BAIAP2: variants seen among roughly 807,000 people sequenced by gnomAD.
The protein encoded by BAIAP2 is BAR/IMD domain-containing adapter protein 2.
BAIAP2 carries 18 observed loss-of-function variants against 63.0 expected under a neutral mutation model. That is an observed-to-expected ratio of 0.29 (90% confidence interval 0.20 to 0.42). The LOEUF is 0.42. BAIAP2 is among the 10% of genes least tolerant of loss of function. The probability of loss-of-function intolerance (pLI) is 1.00; values close to 1 mark genes in which losing one functional copy is unlikely to be tolerated. For missense variants in BAIAP2, 610 were observed against 734.3 expected, an observed-to-expected ratio of 0.83 and a Z score of 1.96; for synonymous variants, 386 against 307.6, an observed-to-expected ratio of 1.25 and a Z score of -2.67.
intron 7 of BAIAP2, among the ~76,000 whole-genome samples, chr17:81,100,787 C>T (rs2058377683): frequency 6.6e-6 from 1 of 152,100 alleles, no homozygotes; most frequent in Non-Finnish European, 1.5e-5. Flanking sequence ...CTCCCCAGTC[C>T]CTCCCTCACT....
intron 12 of BAIAP2, chr17:81,107,174 G>A (rs1351512294): frequency 2.1e-5 from 10 of 482,492 alleles, no homozygotes; most frequent in South Asian, 9.3e-5. Flanking sequence ...AGCCAGCCAC[G>A]GGCAACTCAC....
At chr17:81,091,411 C>T (rs910693110) in intron 6 of BAIAP2, among the ~76,000 whole-genome samples, 1 of 152,134 alleles carries the variant, frequency 6.6e-6, no homozygotes, top group African/African-American at 2.4e-5. Flanking sequence ...ACCAGCCCAG[C>T]AGCTGCACCC....
chr17:81,115,043 C>G (rs921774123), intron 13 of BAIAP2, among the ~76,000 whole-genome samples: 6 of 152,230 alleles, frequency 3.9e-5, no homozygotes, highest in Admixed American at 1.3e-4. Flanking sequence ...GGTGGGGACT[C>G]CAAAGAGAAA....
Position 81,108,145 on chromosome 17 carries a change from C to T in BAIAP2, c.1501-330C>T, listed in dbSNP as rs1026707717. On this transcript the variant is annotated intron_variant, in intron 12 of 13. Transcript: ENST00000428708. ...TGGGTGAGGTGCTGCAGGTGCCCTGCGGGGGCCTCGGCTCCCTGGGGGCAG... is the reference window on the plus strand; with the variant it reads ...TGGGTGAGGTGCTGCAGGTGCCCTGTGGGGGCCTCGGCTCCCTGGGGGCAG... 31 of 427,460 alleles carry T rather than the reference C, an allele frequency of 7.3e-5. No individual in the cohort carries two copies. In the Admixed American group the frequency reaches 8.7e-4, roughly 12 times the overall value. The allele number at this position is 427,460 out of a possible 1,614,324, so 26.5% of individuals were successfully genotyped here.
intron 1 of BAIAP2, among the ~76,000 whole-genome samples, chr17:81,044,425 G>A (rs909512378): frequency 2.6e-5 from 4 of 152,212 alleles, no homozygotes; most frequent in South Asian, 2.1e-4. Flanking sequence ...CACCTGGCTC[G>A]TCCCTATGTT....
chr17:81,100,193 G>C (rs899565999), intron 7 of BAIAP2, 113 bp downstream of exon 7: 1 of 1,353,424 alleles, frequency 7.4e-7, no homozygotes, highest in African/African-American at 1.5e-5. Context: ...GTCCAGGCTC[G>C]AACTCTCGTT....
In BAIAP2 at chr17:81,046,266, C is replaced by T. The variant is rs1419397750; in HGVS notation, c.55-7402C>T. On this transcript the variant is annotated intron_variant, in intron 1 of 13. Coordinates refer to ENST00000428708, the MANE Select transcript of BAIAP2 (RefSeq NM_001144888.2). This position sits in a 1 kb window ranked among gnomAD's most constrained non-coding sequence, Gnocchi z 4.5. ...TCCCAGAAACTTCCATGCATCCCCT[C>T]GTTTCCTAAATCCGTGTACATGTGT... is the stretch of plus-strand genomic sequence containing the variant. 2.0e-5 allele frequency among the ~76,000 whole-genome samples: 3 copies of T among 152,134 alleles called. No individual in the cohort carries two copies. The highest frequency in any genetic ancestry group is 2.9e-5 in the Non-Finnish European group (2 of 68,012).
chr17:81,058,801 AC>A (rs1340591150), intron 3 of BAIAP2, among the ~76,000 whole-genome samples: 1 of 151,318 alleles, frequency 6.6e-6, no homozygotes, highest in Non-Finnish European at 1.5e-5. Context: ...AGGTCTGGAG[AC>A]CCTCGGATGG....
rs1237939311 is a variant in BAIAP2 at position 81,104,100 on chromosome 17, A to C, written c.1058A>C (p.Tyr353Ser). The stretch of plus-strand genomic sequence containing the variant: ...AAGAGCGTGACCCCAAAAAACAGCT[A>C]TGCCACCAGTAAGGGCTCCGCTGGG... ...VRKSVTPKNS[Y>S]ATTENKTLPR... Residue 353 changes from tyrosine (Y) to serine (S), a missense_variant, in exon 9 of 14, where the codon TAT becomes TCT. Coordinates refer to ENST00000428708, the MANE Select transcript of BAIAP2 (RefSeq NM_001144888.2). 6.2e-7 allele frequency: 1 copy of C among 1,613,196 alleles called. No individual in the cohort carries two copies. Among genetic ancestry groups the C allele is most frequent in the South Asian group, 1.1e-5 (1 of 91,090 alleles).
At chr17:81,097,513 C>T (rs969905413) in intron 6 of BAIAP2, 2 of 152,328 alleles carry the variant, frequency 1.3e-5, no homozygotes, top group Non-Finnish European at 2.9e-5. Flanking sequence ...CACGCTGAGT[C>T]AGAGCTGTAG....
At chr17:81,101,397 A>G (rs1053025063) in intron 7 of BAIAP2, among the ~76,000 whole-genome samples, 13 of 152,182 alleles carry the variant, frequency 8.5e-5, no homozygotes, top group African/African-American at 3.1e-4. Flanking sequence ...GGGAACAGGC[A>G]GGGCCAGCAG....
chr17:81,068,578 C>T (rs760868791), intron 3 of BAIAP2, among the ~76,000 whole-genome samples: 12 of 152,224 alleles, frequency 7.9e-5, no homozygotes, highest in Non-Finnish European at 1.5e-4. Flanking sequence ...CCAAGGACCC[C>T]GCAGTCAGCA....
At chr17:81,101,914 A>T (rs2058541189) in intron 7 of BAIAP2, among the ~76,000 whole-genome samples, 1 of 152,234 alleles carries the variant, frequency 6.6e-6, no homozygotes, top group Non-Finnish European at 1.5e-5. Flanking sequence ...TAGACCCAGG[A>T]CAGTGGCGGG....
intron 2 of BAIAP2, 49 bp from the exon 3 acceptor site, chr17:81,057,832 T>C (rs2049845597): frequency 6.3e-7 from 1 of 1,585,646 alleles, no homozygotes. Flanking sequence ...CTGGGGGTCT[T>C]GTCTGTCCCT....
intron 12 of BAIAP2, chr17:81,107,203 A>AGCG (rs1174586738): frequency 5.2e-5 from 19 of 365,736 alleles, no homozygotes; most frequent in Non-Finnish European, 8.8e-5. Flanking sequence ...CCAAGGGGGC[A>AGCG]GCGTCTGGGC....
chr17:81,114,784 T>C (rs1233361201), intron 13 of BAIAP2, among the ~76,000 whole-genome samples: 1 of 152,146 alleles, frequency 6.6e-6, no homozygotes, highest in African/African-American at 2.4e-5. Flanking sequence ...CGGCTGCCTG[T>C]GCCTCTTCCC....
intron 1 of BAIAP2, among the ~76,000 whole-genome samples, chr17:81,040,159 C>T (rs893951981): frequency 2.6e-5 from 4 of 152,228 alleles, no homozygotes; most frequent in Non-Finnish European, 5.9e-5. Context: ...GGCTCCTGTC[C>T]TTCCTTACAT....
rs769123749 is a variant in BAIAP2 at position 81,079,863 on chromosome 17, C to T, written c.218-4969C>T. Reference sequence around the variant, plus strand: ...GGGGGGCATCTGATAGGTGAGGCTGCTTAGGAAGCCTGGCACACCCTGTCC... The same window carrying T: ...GGGGGGCATCTGATAGGTGAGGCTGTTTAGGAAGCCTGGCACACCCTGTCC... On this transcript the variant is annotated intron_variant, in intron 3 of 13. Coordinates refer to ENST00000428708, the MANE Select transcript of BAIAP2 (RefSeq NM_001144888.2). 5.9e-5 allele frequency among the ~76,000 whole-genome samples: 9 copies of T among 152,258 alleles called. No individual in the cohort carries two copies. The East Asian group carries it at 1.5e-3, about 26-fold the overall frequency.
intron 13 of BAIAP2, among the ~76,000 whole-genome samples, chr17:81,111,710 G>A (rs939748313): frequency 6.6e-6 from 1 of 152,224 alleles, no homozygotes; most frequent in African/African-American, 2.4e-5. Context: ...CTGGTGCCTG[G>A]TGTATATTTG....
Sources: allele counts gnomAD v4.1 joint callset (sites outside exome capture counted in the v4.1 genomes callset), GRCh38; gene constraint gnomAD v4.1.1; non-coding constraint Gnocchi (gnomAD v3.1); transcripts MANE v1.5; gene names NCBI Gene and HGNC (gene_info 2026-07-23, HGNC 2026-07-21).